The following MAPK10 variants were observed in gnomAD, a reference collection of about 807,000 sequenced individuals.
MAPK10 encodes the protein JNK3 alpha protein kinase.
Under a neutral mutation model 59.3 loss-of-function variants are expected in MAPK10, and 25 were observed. The observed-to-expected ratio is 0.42, with a 90% CI of 0.31 to 0.59. MAPK10 has a LOEUF of 0.59. Ranked by LOEUF, MAPK10 falls within the 20% of genes least tolerant of loss-of-function variation. MAPK10 has a pLI of 0.15. For synonymous variants in MAPK10, 190 were observed against 200.5 expected (o/e 0.95, Z 0.44); for missense variants, 351 against 568.9 (o/e 0.62, Z 3.90).
At position 86,478,358 on chromosome 4, in the gene MAPK10, C is replaced by A. The variant is rs1753293541; in HGVS notation, c.-263+115552G>T. 2.0e-5 allele frequency among the ~76,000 whole-genome samples: 3 copies of A among 152,196 alleles called. No homozygotes were observed. In the South Asian group the frequency reaches 6.2e-4, roughly 31 times the overall value. ...GGGTTGTGCAGTCGGAATTCTTACA[C>A]AAGAACCGGGACTACGCCCTGTAAC... On this transcript the variant is annotated intron_variant, in intron 1 of 4. Transcript: ENST00000502302.
intron 2 of MAPK10, among the ~76,000 whole-genome samples, chr4:86,237,164 T>C (rs2092318401): frequency 1.3e-5 from 2 of 152,312 alleles, no homozygotes; most frequent in African/African-American, 4.8e-5. Context: ...TCCAGCTTCA[T>C]CCATGTCCCT....
chr4:86,359,991 C>G lies in MAPK10; in HGVS notation c.-455G>C. 1 of 985,864 alleles carries G rather than the reference C, an allele frequency of 1.0e-6. No homozygotes were observed. Among genetic ancestry groups the G allele is most frequent in the Non-Finnish European group, 1.2e-6 (1 of 829,992 alleles). 61.1% of individuals were successfully genotyped at this position (985,864 alleles called of 1,614,324 possible). On this transcript the variant is annotated 5_prime_UTR_variant, in exon 1 of 14. Coordinates refer to ENST00000641462, the MANE Select transcript of MAPK10 (RefSeq NM_138982.4). ...AAGAAAATAGAAGAAGAGTGGCTTG[C>G]TGAATCACCCTCTTTCACTGCCTGG... is the stretch of plus-strand genomic sequence containing the variant.
chr4:86,501,253 T>C (rs902272451), intron 1 of MAPK10, among the ~76,000 whole-genome samples: 1 of 151,970 alleles, frequency 6.6e-6, no homozygotes, highest in African/African-American at 2.4e-5. Flanking sequence ...AGTTCTTGAG[T>C]TTCTCTGTGC....
chr4:86,017,355 C>T lies in MAPK10; in HGVS notation c.1268G>A (p.Ser423Asn). 1 of 1,614,104 alleles carries T rather than the reference C, an allele frequency of 6.2e-7. No homozygotes were observed. The highest frequency in any genetic ancestry group is 8.5e-7 in the Non-Finnish European group (1 of 1,179,982). Residue 423 changes from serine (S) to asparagine (N), a missense_variant, in exon 14 of 14, where the codon AGC becomes AAC. Physicochemically the swap from Ser to Asn is conservative, Grantham distance 46. Around this residue, in one of 5 missense-constraint regions of MAPK10, gnomAD observed 155 missense variants for 204.2 expected, o/e 0.76. Transcript: ENST00000641462. This position sits in a 1 kb window ranked among gnomAD's most constrained non-coding sequence, Gnocchi z 4.4. ...CGAGGATGGAGGGAGACTCTCACTG[C>T]TGTTCACTGCTGCACCTGTGCTAAG... The part of the protein sequence containing the change: ...QPSPSGAAVN[S>N]SESLPPSSSV...
chr4:86,358,273 T>C (rs1354432759), intron 1 of MAPK10: 1 of 985,332 alleles, frequency 1.0e-6, no homozygotes, highest in Non-Finnish European at 1.2e-6. Flanking sequence ...ATTTTAAATA[T>C]GTTGATAAGC....
chr4:86,126,924 A>G (rs2060165824), intron 4 of MAPK10, among the ~76,000 whole-genome samples: 2 of 151,932 alleles, frequency 1.3e-5, no homozygotes, highest in African/African-American at 4.8e-5. Flanking sequence ...TATATTTTCA[A>G]ATTGAACCAC....
intron 1 of MAPK10, among the ~76,000 whole-genome samples, chr4:86,540,053 T>C (rs184907333): frequency 5.1e-4 from 77 of 152,364 alleles, no homozygotes; most frequent in South Asian, 3.9e-3. Flanking sequence ...ACAAATTATT[T>C]CTATTGCCCT....
intron 2 of MAPK10, among the ~76,000 whole-genome samples, chr4:86,331,768 T>C (rs1434365069): frequency 6.6e-6 from 1 of 152,092 alleles, no homozygotes; most frequent in Non-Finnish European, 1.5e-5. Flanking sequence ...TTATTAAGAG[T>C]AACAAATCAA....
At chr4:86,320,622 A>T (rs964752460) in intron 2 of MAPK10, among the ~76,000 whole-genome samples, 1 of 152,138 alleles carries the variant, frequency 6.6e-6, no homozygotes, top group Non-Finnish European at 1.5e-5. Flanking sequence ...GTTCACTGTG[A>T]TGGTAGTTTC....
chr4:86,544,556 C>CA lies in MAPK10; in HGVS notation c.-263+49353dup, dbSNP rs1758992571. Among the ~76,000 whole-genome samples the CA allele has an allele frequency of 2.0e-5, 3 of 152,288 alleles. No individual in the cohort carries two copies. The South Asian group carries it at 6.2e-4, about 32-fold the overall frequency. ...AACAAATCAAAGTGTCACCTGTTTA[C>CA]AAACTCCACTTTCAAATCTTTCACC... On this transcript the variant is annotated intron_variant, in intron 1 of 4. Coordinates refer to the MAPK10 transcript ENST00000502302.
intron 11 of MAPK10, among the ~76,000 whole-genome samples, chr4:86,037,920 T>G (rs1355653475): frequency 6.6e-6 from 1 of 152,238 alleles, no homozygotes; most frequent in Admixed American, 6.5e-5. Flanking sequence ...AAGACAAATT[T>G]GTGCCTGCCA....
intron 1 of MAPK10, among the ~76,000 whole-genome samples, chr4:86,371,961 T>C (rs889481318): frequency 7.9e-5 from 12 of 152,086 alleles, no homozygotes; most frequent in African/African-American, 2.9e-4. Flanking sequence ...CTGTCAATAT[T>C]AGACAGATCA....
At chr4:86,541,587 G>A (rs1040809617) in intron 1 of MAPK10, among the ~76,000 whole-genome samples, 2 of 152,132 alleles carry the variant, frequency 1.3e-5, no homozygotes. Context: ...GAGTTGCACT[G>A]AACTAGTGAC....
chr4:86,526,523 C>T (rs769411918), intron 1 of MAPK10, among the ~76,000 whole-genome samples: 6 of 152,132 alleles, frequency 3.9e-5, no homozygotes, highest in African/African-American at 1.4e-4. Context: ...TTCAAAGAGG[C>T]AACTTTTGGT....
At chr4:86,355,232 C>A (rs1331499794) in intron 1 of MAPK10, among the ~76,000 whole-genome samples, 1 of 152,096 alleles carries the variant, frequency 6.6e-6, no homozygotes, top group Non-Finnish European at 1.5e-5. Flanking sequence ...AACATTCTAC[C>A]CAATGTCAAA....
At chr4:86,540,858 T>C (rs1454536999) in intron 1 of MAPK10, among the ~76,000 whole-genome samples, 1 of 151,470 alleles carries the variant, frequency 6.6e-6, no homozygotes, top group Non-Finnish European at 1.5e-5. Context: ...ATCCCAGCAC[T>C]TTGCGAGGCT....
rs70948789 is a variant in MAPK10 at position 86,365,431 on chromosome 4, CAAAAAAAAAAAAAAAAA to C, written c.-121-10804_-121-10788del. On this transcript the variant is annotated intron_variant, in intron 1 of 13. Coordinates refer to the MAPK10 transcript ENST00000361569. ...TGGGCAACAGGGTGAGACTCTGTCT[CAAAAAAAAAAAAAAAAA>C]AAAAAAAAAAAAAAAAAAAATTCTC... Among the ~76,000 whole-genome samples, 30 of 32,446 alleles carry C rather than the reference CAAAAAAAAAAAAAAAAA, an allele frequency of 9.2e-4. 1 individual carries two copies. The highest frequency in any genetic ancestry group is 4.8e-3 in the South Asian group (2 of 418). 21.3% of individuals were successfully genotyped at this position (32,446 alleles called of 152,430 possible).
At chr4:86,032,388 GA>G (rs2039254963) in intron 11 of MAPK10, 1 of 152,098 alleles carries the variant, frequency 6.6e-6, no homozygotes, top group Non-Finnish European at 1.5e-5. Flanking sequence ...ATGAGGTAGA[GA>G]AAGAGGAGGC....
chr4:86,275,495 G>C (rs968265883), intron 2 of MAPK10, among the ~76,000 whole-genome samples: 1 of 151,986 alleles, frequency 6.6e-6, no homozygotes, highest in Non-Finnish European at 1.5e-5. Context: ...AGACCCAAAA[G>C]ACAGCAAATA....
Sources: gnomAD v4.1 joint callset for allele counts (sites outside exome capture counted in the v4.1 genomes callset) on GRCh38, gnomAD v4.1.1 for gene constraint, gnomAD v4.1.1 regional missense constraint, Gnocchi (gnomAD v3.1) non-coding constraint, MANE v1.5 for transcripts, NCBI Gene and HGNC (gene_info 2026-07-23, HGNC 2026-07-21) for gene names.